The following SLC7A6OS variants were observed in gnomAD, a reference collection of about 807,000 sequenced individuals.
SLC7A6OS encodes the protein probable RNA polymerase II nuclear localization protein SLC7A6OS.
A neutral mutation model predicts 34.3 loss-of-function variants in SLC7A6OS; 22 were observed. That is an observed-to-expected ratio of 0.64 (90% CI 0.46 to 0.92). The LOEUF (loss-of-function observed/expected upper bound fraction) is 0.92, where lower values mean the gene tolerates loss of function less well. Among genes scored for constraint, SLC7A6OS ranks in the 40% least tolerant of loss-of-function variants. The pLI is 0.00. For synonymous variants in SLC7A6OS, 199 were observed against 165.0 expected, an observed-to-expected ratio of 1.21 and a Z score of -1.58; for missense variants, 434 against 407.7, an observed-to-expected ratio of 1.06 and a Z score of -0.56.
chr16:68,308,924 C>T (rs558558226), intron 2 of SLC7A6OS, among the ~76,000 whole-genome samples: 11 of 151,686 alleles, frequency 7.3e-5, no homozygotes, highest in Non-Finnish European at 1.2e-4. Context: ...TGGTGGCTCA[C>T]GCTTGTAATC....
Position 68,300,982 on chromosome 16 carries a change from C to G in SLC7A6OS, c.*293G>C. The G allele has an allele frequency of 9.6e-7, 1 of 1,041,826 alleles. No homozygotes were observed. Among genetic ancestry groups the G allele is most frequent in the Non-Finnish European group, 1.2e-6 (1 of 867,176 alleles). The allele number at this position is 1,041,826 out of a possible 1,614,324, so 64.5% of individuals were successfully genotyped here. On this transcript the variant is annotated 3_prime_UTR_variant, in exon 5 of 5. Coordinates refer to ENST00000263997, the MANE Select transcript of SLC7A6OS (RefSeq NM_032178.3). ...CAGAACCTGAATGCCAGGAAAAATTCCTGGGCCAAGAAGCTAAAGCTAAAG... is the reference window on the plus strand; with the variant it reads ...CAGAACCTGAATGCCAGGAAAAATTGCTGGGCCAAGAAGCTAAAGCTAAAG...
chr16:68,306,148 G>A (rs2043325072), intron 2 of SLC7A6OS, among the ~76,000 whole-genome samples: 1 of 152,160 alleles, frequency 6.6e-6, no homozygotes, highest in Non-Finnish European at 1.5e-5. Context: ...ACCTACTTTT[G>A]GGTTGATGGT....
Position 68,310,395 on chromosome 16 carries a change from C to G in SLC7A6OS, c.411G>C (p.Gln137His). 6.2e-7 allele frequency: 1 copy of G among 1,612,536 alleles called. No homozygotes were observed. The highest frequency in any genetic ancestry group is 8.5e-7 in the Non-Finnish European group (1 of 1,179,500). Residue 137 changes from glutamine (Q) to histidine (H), a missense_variant, in exon 2 of 5, where the codon CAG becomes CAC. By Grantham distance (24) the Gln-to-His change is conservative (BLOSUM62 0). Coordinates refer to ENST00000263997, the MANE Select transcript of SLC7A6OS (RefSeq NM_032178.3). ...CCTCCTCGTGGACAAGGTCTAACAACTGAAAGCCCGAGTTCCCGGCGGCTT... is the reference window on the plus strand; with the variant it reads ...CCTCCTCGTGGACAAGGTCTAACAAGTGAAAGCCCGAGTTCCCGGCGGCTT... ...NPEAAGNSGF[Q>H]LLDLVHEEGE...
chr16:68,302,539 C>T (rs371550712), intron 3 of SLC7A6OS, 38 bp from the exon 4 acceptor site: 3 of 1,613,840 alleles, frequency 1.9e-6, no homozygotes, highest in African/African-American at 1.3e-5. Context: ...CAAGTCAAAA[C>T]CTCTAAGGTT....
Position 68,300,312 on chromosome 16 carries a change from G to C in SLC7A6OS, c.*963C>G, listed in dbSNP as rs1416240408. On this transcript the variant is annotated 3_prime_UTR_variant, in exon 5 of 5. Transcript: ENST00000263997. The stretch of plus-strand genomic sequence containing the variant: ...AGATAGTTCTACTGGACAATGTTAC[G>C]CTAGAATAAACACCAAGGCAGTCAG... The C allele has an allele frequency of 6.6e-6, 1 of 152,224 alleles. No individual in the cohort carries two copies. Among genetic ancestry groups the C allele is most frequent in the East Asian group, 1.9e-4 (1 of 5,200 alleles). The allele number at this position is 152,224 out of a possible 1,614,324, so 9.4% of individuals were successfully genotyped here.
At chr16:68,309,450 T>C (rs1173661431) in intron 2 of SLC7A6OS, among the ~76,000 whole-genome samples, 1 of 152,136 alleles carries the variant, frequency 6.6e-6, no homozygotes. Context: ...ACTGTAGCCT[T>C]GACCTCCCCA....
chr16:68,301,009 A>G lies in SLC7A6OS; in HGVS notation c.*266T>C, dbSNP rs946025479. 2.7e-6 allele frequency: 3 copies of G among 1,112,416 alleles called. No homozygotes were observed. In the African/African-American group the frequency reaches 4.9e-5, roughly 18 times the overall value. 68.9% of individuals were successfully genotyped at this position (1,112,416 alleles called of 1,614,324 possible). The stretch of plus-strand genomic sequence containing the variant: ...TGGGCCAAGAAGCTAAAGCTAAAGA[A>G]ACCTTCCTTTTTTCAACGTTTTTTT... On this transcript the variant is annotated 3_prime_UTR_variant, in exon 5 of 5. Transcript: ENST00000263997.
Position 68,302,366 on chromosome 16 carries a change from G to A in SLC7A6OS, c.799+15C>T, listed in dbSNP as rs1262252264. 1.9e-6 allele frequency: 3 copies of A among 1,613,696 alleles called. No individual in the cohort carries two copies. Among genetic ancestry groups the A allele is most frequent in the Non-Finnish European group, 2.5e-6 (3 of 1,179,882 alleles). ...AGATCCTACCAGTCCCTCCCGGTCT[G>A]GGGCTGCCACCCACCTCTGGAATCC... On this transcript the variant is annotated intron_variant, in intron 4 of 4. Coordinates refer to ENST00000263997, the MANE Select transcript of SLC7A6OS (RefSeq NM_032178.3).
chr16:68,300,512 G>T lies in SLC7A6OS; in HGVS notation c.*763C>A. On this transcript the variant is annotated 3_prime_UTR_variant, in exon 5 of 5. Coordinates refer to ENST00000263997, the MANE Select transcript of SLC7A6OS (RefSeq NM_032178.3). Reference sequence around the variant, plus strand: ...GAAGGTACTTTGTTTTTCCTCCCTTGCCTTAAGTCCTTGGTATTTATAATC... The same window carrying T: ...GAAGGTACTTTGTTTTTCCTCCCTTTCCTTAAGTCCTTGGTATTTATAATC... 1.5e-6 allele frequency: 1 copy of T among 680,832 alleles called. No individual in the cohort carries two copies. Among genetic ancestry groups the T allele is most frequent in the Non-Finnish European group, 1.8e-6 (1 of 551,780 alleles). The allele number at this position is 680,832 out of a possible 1,614,324, so 42.2% of individuals were successfully genotyped here.
Position 68,300,821 on chromosome 16 carries a change from G to A in SLC7A6OS, c.*454C>T. The A allele has an allele frequency of 3.0e-6, 3 of 986,204 alleles. No homozygotes were observed. Among genetic ancestry groups the A allele is most frequent in the Non-Finnish European group, 3.6e-6 (3 of 830,518 alleles). The allele number at this position is 986,204 out of a possible 1,614,324, so 61.1% of individuals were successfully genotyped here. A position where few individuals can be genotyped will look rare whatever the true frequency, so the allele number is the denominator to read the frequency against. On this transcript the variant is annotated 3_prime_UTR_variant, in exon 5 of 5. Coordinates refer to ENST00000263997, the MANE Select transcript of SLC7A6OS (RefSeq NM_032178.3). ...TACTATCCAGTCTGTATTGCTACAA[G>A]GGACCCACTGGTACCCCTTTTAGAT... is the stretch of plus-strand genomic sequence containing the variant.
rs943205055 is a variant in SLC7A6OS, at chr16:68,298,893, G to C, written c.*2382C>G. ...GACATACCCCATGGGCTTATCCTTAGGTTTTGGAATTGGTCAACAGTGAGG... is the reference window on the plus strand; with the variant it reads ...GACATACCCCATGGGCTTATCCTTACGTTTTGGAATTGGTCAACAGTGAGG... On this transcript the variant is annotated 3_prime_UTR_variant, in exon 5 of 5. Transcript: ENST00000263997. The C allele has an allele frequency of 6.6e-6, 1 of 152,628 alleles. No individual in the cohort carries two copies. Among genetic ancestry groups the C allele is most frequent in the Non-Finnish European group, 1.5e-5 (1 of 68,072 alleles). 9.5% of individuals were successfully genotyped at this position (152,628 alleles called of 1,614,324 possible). A position where few individuals can be genotyped will look rare whatever the true frequency, so the allele number is the denominator to read the frequency against.
At position 68,310,890 on chromosome 16, in the gene SLC7A6OS, G is replaced by C; in HGVS notation, c.37C>G (p.Arg13Gly). ...AARTAVLRVK[R>G]KRSAEPAEAL... ...TCCGCCGGCTCCGCACTGCGCTTCCGCTTCACCCGGAGTACAGCGGTCCTG... is the reference window on the plus strand; with the variant it reads ...TCCGCCGGCTCCGCACTGCGCTTCCCCTTCACCCGGAGTACAGCGGTCCTG... Residue 13 changes from arginine to glycine, a missense_variant, in exon 1 of 5, where the codon CGG becomes GGG. Arg to Gly is a moderately radical substitution (Grantham distance 125, BLOSUM62 -2). Transcript: ENST00000263997. The C allele has an allele frequency of 6.2e-7, 1 of 1,603,308 alleles. No individual in the cohort carries two copies. Among genetic ancestry groups the C allele is most frequent in the Non-Finnish European group, 8.5e-7 (1 of 1,176,614 alleles).
chr16:68,309,416 G>A (rs1460830815), intron 2 of SLC7A6OS, among the ~76,000 whole-genome samples: 1 of 151,920 alleles, frequency 6.6e-6, no homozygotes, highest in Non-Finnish European at 1.5e-5. Context: ...AGGCTGAAAT[G>A]CCACTGCCGC....
chr16:68,305,473 T>C (rs2043320082), intron 2 of SLC7A6OS, among the ~76,000 whole-genome samples: 1 of 152,118 alleles, frequency 6.6e-6, no homozygotes, highest in Admixed American at 6.5e-5. Context: ...GTCAGTTTAT[T>C]AACCACAGGG....
Position 68,304,022 on chromosome 16 carries a change from T to G in SLC7A6OS, c.678+4A>C. 1 of 1,612,822 alleles carries G rather than the reference T, an allele frequency of 6.2e-7. No individual in the cohort carries two copies. Among genetic ancestry groups the G allele is most frequent in the Non-Finnish European group, 8.5e-7 (1 of 1,179,758 alleles). On this transcript the variant is annotated splice_donor_region_variant and intron_variant, in intron 3 of 4. Coordinates refer to ENST00000263997, the MANE Select transcript of SLC7A6OS (RefSeq NM_032178.3). ...ATGCCCCGTCTGCTCATGGGCCCCC[T>G]TACCAGCTCCCATTCTTGGCTGTAG...
intron 1 of SLC7A6OS, 52 bp from the exon 2 acceptor site, chr16:68,310,665 G>A (rs2043486780): frequency 1.3e-6 from 2 of 1,580,308 alleles, no homozygotes; most frequent in African/African-American, 2.7e-5. Context: ...TCGCGAGCGG[G>A]TCAGGGATCG....
chr16:68,304,289 G>A (rs2043310387), intron 2 of SLC7A6OS, 57 bp from the exon 3 acceptor site: 3 of 1,504,944 alleles, frequency 2.0e-6, no homozygotes, highest in Non-Finnish European at 2.8e-6. Flanking sequence ...GATGTTCCAA[G>A]AGGAGGAACC....
chr16:68,306,443 T>A (rs1391522032), intron 2 of SLC7A6OS, among the ~76,000 whole-genome samples: 3 of 152,070 alleles, frequency 2.0e-5, no homozygotes, highest in Non-Finnish European at 2.9e-5. Context: ...GGTCTCAAAC[T>A]CCTGACCTCA....
rs2043229058 is a variant in SLC7A6OS at position 68,299,364 on chromosome 16, T to G, written c.*1911A>C. On this transcript the variant is annotated 3_prime_UTR_variant, in exon 5 of 5. Coordinates refer to ENST00000263997, the MANE Select transcript of SLC7A6OS (RefSeq NM_032178.3). ...GGACCTCACATGCCAGGTGCCCTAG[T>G]ACTTGCTTAGTGAGCCATGTCATCC... 6.6e-6 allele frequency: 1 copy of G among 152,656 alleles called. No individual in the cohort carries two copies. The highest frequency in any genetic ancestry group is 2.1e-4 in the South Asian group (1 of 4,838). 9.5% of individuals were successfully genotyped at this position (152,656 alleles called of 1,614,324 possible).
Sources: gnomAD v4.1 joint callset for allele counts (sites outside exome capture counted in the v4.1 genomes callset) on GRCh38, gnomAD v4.1.1 for gene constraint, MANE v1.5 for transcripts, NCBI Gene and HGNC (gene_info 2026-07-23, HGNC 2026-07-21) for gene names.